The following MRE11 variants were observed in gnomAD, a reference collection of about 807,000 sequenced individuals.
MRE11 encodes MRE11 double strand break repair nuclease.
Under a neutral mutation model 91.7 loss-of-function variants are expected in MRE11, and 62 were observed. The ratio of observed to expected loss-of-function variants is 0.68; its 90% confidence interval spans 0.55 to 0.84. The LOEUF is 0.84. Ranked by LOEUF, MRE11 falls within the 40% of genes least tolerant of loss-of-function variation. The pLI, the probability that MRE11 is intolerant of heterozygous loss-of-function variation, is 0.00. For synonymous variants in MRE11, 273 were observed against 271.4 expected (o/e 1.01, Z -0.06); for missense variants, 796 against 852.9 (o/e 0.93, Z 0.83).
At chr11:94,468,023 C>A (rs1447441915) in intron 9 of MRE11, 130 bp from the exon 10 acceptor site, 3 of 717,092 alleles carry the variant, frequency 4.2e-6, no homozygotes, top group Non-Finnish European at 5.0e-6. Context: ...ATTTATGACA[C>A]CTTTTCAAAT....
chr11:94,484,090 G>A (rs1332275603), intron 4 of MRE11, among the ~76,000 whole-genome samples: 1 of 151,966 alleles, frequency 6.6e-6, no homozygotes, highest in Non-Finnish European at 1.5e-5. Flanking sequence ...AAAATCAGAA[G>A]AAAAGGTGGG....
At chr11:94,457,848 C>T (rs892325176) in intron 13 of MRE11, among the ~76,000 whole-genome samples, 1 of 148,014 alleles carries the variant, frequency 6.8e-6, no homozygotes, top group African/African-American at 2.5e-5. Context: ...ATGACTCACA[C>T]ACACTCTTTC....
Position 94,447,280 on chromosome 11 carries a change from T to G in MRE11, c.1722A>C (p.Arg574Ser). ...AATNKGRGRGRGRRGGRGQNS... is the reference protein window; with the variant it reads ...AATNKGRGRGSGRRGGRGQNS... The stretch of plus-strand genomic sequence containing the variant: ...TCTGCCCTCTTCCACCTCTTCGACC[T>G]CTTCCTCGGCCTCTTCCTTTGTTGG... Residue 574 changes from arginine (R) to serine (S), a missense_variant, in exon 15 of 20, where the codon AGA becomes AGC. Transcript: ENST00000323929. 1 of 1,614,064 alleles carries G rather than the reference T, an allele frequency of 6.2e-7. No individual in the cohort carries two copies. The highest frequency in any genetic ancestry group is 8.5e-7 in the Non-Finnish European group (1 of 1,180,002).
intron 19 of MRE11, among the ~76,000 whole-genome samples, chr11:94,426,964 T>G (rs1945338674): frequency 6.6e-6 from 1 of 152,068 alleles, no homozygotes; most frequent in African/African-American, 2.4e-5. Flanking sequence ...CCATATTCTA[T>G]CAGACATACA....
At chr11:94,445,322 T>A (rs2134892305) in intron 16 of MRE11, among the ~76,000 whole-genome samples, 1 of 152,364 alleles carries the variant, frequency 6.6e-6, no homozygotes, top group East Asian at 1.9e-4. Flanking sequence ...TGTTTTGTTT[T>A]GTTTTTGAGA....
intron 4 of MRE11, among the ~76,000 whole-genome samples, chr11:94,483,531 C>G (rs962576429): frequency 6.6e-6 from 1 of 152,212 alleles, no homozygotes; most frequent in Admixed American, 6.5e-5. Flanking sequence ...AGCACAACCT[C>G]TCTCTTTGCC....
intron 7 of MRE11, chr11:94,472,911 C>T (rs1318880240): frequency 2.6e-5 from 4 of 151,980 alleles, no homozygotes; most frequent in Non-Finnish European, 4.4e-5. Flanking sequence ...TGTAAGTATG[C>T]ACATGTATAA....
rs1310403798 is a variant in MRE11, at chr11:94,471,627, T to G, written c.792A>C (p.Ser264=). 1 of 1,612,870 alleles carries G rather than the reference T, an allele frequency of 6.2e-7. No individual in the cohort carries two copies. Among genetic ancestry groups the G allele is most frequent in the South Asian group, 1.1e-5 (1 of 91,048 alleles). The change falls in exon 8 of 20, where the codon TCA becomes TCC. Residue 264 remains serine, a synonymous_variant. Transcript: ENST00000323929. ...TKNEQQLFYI[S]QPGSSVVTSL... ...AAGTAACCACTGAGCTTCCAGGTTG[T>G]GAGATATAAAACAGCTGTTGTTCAT...
chr11:94,496,370 TATAATA>T (rs1947418610), upstream of MRE11, among the ~76,000 whole-genome samples: 11 of 152,120 alleles, frequency 7.2e-5, no homozygotes, highest in Admixed American at 6.5e-4. Flanking sequence ...AAATAATAGT[TATAATA>T]ATATAATTGA....
chr11:94,496,611 T>A, upstream of MRE11: 4 of 1,264,596 alleles, frequency 3.2e-6, no homozygotes, highest in Non-Finnish European at 4.3e-6. Flanking sequence ...CAGATCTTGA[T>A]GAACAAAGCA....
At position 94,437,236 on chromosome 11, in the gene MRE11, C is replaced by T; in HGVS notation, c.1868-1G>A. 1.2e-6 allele frequency: 2 copies of T among 1,612,000 alleles called. No individual in the cohort carries two copies. Among genetic ancestry groups the T allele is most frequent in the Non-Finnish European group, 1.7e-6 (2 of 1,178,964 alleles). On this transcript the variant is annotated splice_acceptor_variant, in intron 16 of 19. Coordinates refer to ENST00000323929, the MANE Select transcript of MRE11 (RefSeq NM_005591.4). LOFTEE classifies it high-confidence loss of function. ...GGCTGCTGTCTTGTAGATTTAAAGG[C>T]TAGAATGAAAAAGATGAAATGTGCA...
At chr11:94,492,291 T>G (rs1326761721) in intron 2 of MRE11, among the ~76,000 whole-genome samples, 1 of 152,214 alleles carries the variant, frequency 6.6e-6, no homozygotes, top group Non-Finnish European at 1.5e-5. Flanking sequence ...TTTCACCATG[T>G]TGGTCAGGCT....
intron 14 of MRE11, among the ~76,000 whole-genome samples, chr11:94,453,715 A>G (rs1946174426): frequency 6.6e-6 from 1 of 152,190 alleles, no homozygotes. Flanking sequence ...TATTCTGCTT[A>G]TTAATCCCTT....
upstream of MRE11, among the ~76,000 whole-genome samples, chr11:94,495,460 T>TA (rs1947403340): frequency 1.3e-5 from 2 of 152,030 alleles, no homozygotes; most frequent in South Asian, 4.2e-4. Flanking sequence ...CCAAAAAAAG[T>TA]AGAAAGCAGA....
At chr11:94,483,971 T>A (rs568904608) in intron 4 of MRE11, 1 of 152,264 alleles carries the variant, frequency 6.6e-6, no homozygotes, top group East Asian at 1.9e-4. Context: ...AATACAATAG[T>A]AATGTGCACA....
chr11:94,460,662 G>A, intron 12 of MRE11, among the ~76,000 whole-genome samples: 1 of 152,024 alleles, frequency 6.6e-6, no homozygotes, highest in Middle Eastern at 3.2e-3. Flanking sequence ...AAATTATTCA[G>A]TTTAATAATT....
intron 15 of MRE11, among the ~76,000 whole-genome samples, chr11:94,447,016 C>T (rs1945950717): frequency 6.6e-6 from 1 of 152,174 alleles, no homozygotes; most frequent in Admixed American, 6.5e-5. Context: ...ACCCTAAGTG[C>T]ATGTGGCCAT....
chr11:94,501,461 T>TTA, the MRE11 span, among the ~76,000 whole-genome samples: 139 of 152,246 alleles, frequency 9.1e-4, no homozygotes, highest in East Asian at 0.023. Context: ...GAAATTAATT[T>TTA]TATATATATA....
At chr11:94,492,950 G>T (rs1947328684) in intron 1 of MRE11, 44 bp from the exon 2 acceptor site, 3 of 731,000 alleles carry the variant, frequency 4.1e-6, no homozygotes, top group East Asian at 2.6e-5. Context: ...TTAAAAGCCT[G>T]CACGTATTTA....
Sources: gnomAD v4.1 joint callset for allele counts (sites outside exome capture counted in the v4.1 genomes callset) on GRCh38, gnomAD v4.1.1 for gene constraint, MANE v1.5 for transcripts, NCBI Gene and HGNC (gene_info 2026-07-23, HGNC 2026-07-21) for gene names.